LRRTM4: variants seen among roughly 807,000 people sequenced by gnomAD.
The protein encoded by LRRTM4 is leucine rich repeat transmembrane neuronal 4, also known as leucine-rich repeat transmembrane neuronal protein 4.
LRRTM4 carries 25 observed loss-of-function variants against 47.6 expected under a neutral mutation model. The ratio of observed to expected loss-of-function variants is 0.53; its 90% CI spans 0.38 to 0.73. The LOEUF (loss-of-function observed/expected upper bound fraction) is 0.73. LRRTM4 is among the 30% of genes least tolerant of loss of function. LRRTM4 has a pLI of 0.00. For synonymous variants in LRRTM4, 311 were observed against 269.5 expected (o/e 1.15, Z -1.51); for missense variants, 638 against 713.4 (o/e 0.89, Z 1.20).
At chr2:77,135,876 T>C (rs79677830) in intron 3 of LRRTM4, among the ~76,000 whole-genome samples, 3,866 of 152,238 alleles carry the variant, frequency 0.025, 161 homozygotes, top group African/African-American at 0.085. Context: ...AATAAATAAA[T>C]TTTTACATTT....
intron 3 of LRRTM4, among the ~76,000 whole-genome samples, chr2:77,087,206 C>G (rs558034080): frequency 3.9e-5 from 6 of 152,260 alleles, no homozygotes; most frequent in African/African-American, 1.4e-4. Flanking sequence ...CATACATACA[C>G]AAATACACAC....
At chr2:77,425,513 T>C (rs1444569045) in intron 3 of LRRTM4, among the ~76,000 whole-genome samples, 1 of 152,240 alleles carries the variant, frequency 6.6e-6, no homozygotes, top group Non-Finnish European at 1.5e-5. Flanking sequence ...CTGCCTTGTT[T>C]GGAATCTTAC....
intron 3 of LRRTM4, among the ~76,000 whole-genome samples, chr2:76,928,829 G>A (rs180756713): frequency 3.9e-5 from 6 of 152,138 alleles, no homozygotes; most frequent in Admixed American, 3.3e-4. Flanking sequence ...ATTAAGCAAA[G>A]CAAAGAACAC....
At chr2:76,831,908 C>G (rs1474920638) in intron 3 of LRRTM4, among the ~76,000 whole-genome samples, 2 of 151,976 alleles carry the variant, frequency 1.3e-5, no homozygotes, top group Admixed American at 6.6e-5. Context: ...CCCACATACC[C>G]TTTTGGGGTT....
At chr2:76,785,333 TAAG>T (rs1352013544) in intron 3 of LRRTM4, among the ~76,000 whole-genome samples, 3 of 152,116 alleles carry the variant, frequency 2.0e-5, no homozygotes, top group South Asian at 2.1e-4. Flanking sequence ...AAATTAATAA[TAAG>T]AAGGATTAAG....
At chr2:76,942,676 C>CAATG (rs140227592) in intron 3 of LRRTM4, among the ~76,000 whole-genome samples, 1 of 148,208 alleles carries the variant, frequency 6.7e-6, no homozygotes, top group African/African-American at 2.5e-5. Flanking sequence ...CTCTAGGAAT[C>CAATG]TGTGTGTGTG....
intron 3 of LRRTM4, among the ~76,000 whole-genome samples, chr2:77,102,706 CTG>C (rs1230873634): frequency 4.6e-5 from 7 of 152,104 alleles, no homozygotes; most frequent in Non-Finnish European, 8.8e-5. Context: ...ATAAGAAACT[CTG>C]GAGTTATTGG....
At chr2:77,258,833 A>G (rs1418909593) in intron 3 of LRRTM4, among the ~76,000 whole-genome samples, 1 of 152,052 alleles carries the variant, frequency 6.6e-6, no homozygotes, top group Non-Finnish European at 1.5e-5. Context: ...AAATTCTGAT[A>G]AAGTTCACCT....
At chr2:76,926,705 C>A (rs1674599869) in intron 3 of LRRTM4, among the ~76,000 whole-genome samples, 1 of 152,006 alleles carries the variant, frequency 6.6e-6, no homozygotes, top group South Asian at 2.1e-4. Context: ...TCTCTTTGTC[C>A]TTCTGCCATG....
intron 3 of LRRTM4, among the ~76,000 whole-genome samples, chr2:76,777,978 GA>G (rs1674130603): frequency 6.8e-6 from 1 of 147,746 alleles, no homozygotes; most frequent in African/African-American, 2.5e-5. Flanking sequence ...AAGGGTTGTT[GA>G]ATTTTGTCAA....
chr2:77,360,482 GATAC>G (rs1672153379), intron 3 of LRRTM4, among the ~76,000 whole-genome samples: 1 of 16,994 alleles, frequency 5.9e-5, no homozygotes. Flanking sequence ...GATATGATAC[GATAC>G]GATACGATAC....
intron 3 of LRRTM4, among the ~76,000 whole-genome samples, chr2:77,308,224 A>C (rs897569835): frequency 4.6e-5 from 7 of 150,978 alleles, no homozygotes; most frequent in Non-Finnish European, 8.9e-5. Context: ...TATGAAATAA[A>C]GGGATTTATC....
intron 3 of LRRTM4, among the ~76,000 whole-genome samples, chr2:77,180,821 G>A (rs1394439081): frequency 1.3e-5 from 2 of 152,054 alleles, no homozygotes; most frequent in African/African-American, 4.8e-5. Context: ...GAATCTGGAA[G>A]GTTACAGAAC....
chr2:76,808,378 A>G (rs1670625899), intron 3 of LRRTM4, among the ~76,000 whole-genome samples: 1 of 151,776 alleles, frequency 6.6e-6, no homozygotes, highest in Non-Finnish European at 1.5e-5. Flanking sequence ...TATAATGTTC[A>G]TTCATTGCTT....
intron 3 of LRRTM4, among the ~76,000 whole-genome samples, chr2:76,832,738 C>A (rs952414450): frequency 1.3e-5 from 2 of 151,806 alleles, no homozygotes; most frequent in African/African-American, 2.4e-5. Flanking sequence ...TAAAAGCCAG[C>A]GATGACATTT....
chr2:77,427,526 T>A (rs1675170951), intron 3 of LRRTM4, among the ~76,000 whole-genome samples: 1 of 152,218 alleles, frequency 6.6e-6, no homozygotes. Flanking sequence ...CAATGATTTA[T>A]AAGCACAGAG....
At chr2:77,074,291 GT>G (rs1680261285) in intron 3 of LRRTM4, among the ~76,000 whole-genome samples, 2 of 152,054 alleles carry the variant, frequency 1.3e-5, no homozygotes, top group African/African-American at 4.8e-5. Flanking sequence ...TACATCCTGT[GT>G]TCTTGGGCAT....
At chr2:77,364,143 AC>A (rs67315329) in intron 3 of LRRTM4, among the ~76,000 whole-genome samples, 1,983 of 86,312 alleles carry the variant, frequency 0.023, 44 homozygotes, top group African/African-American at 0.051. Flanking sequence ...AAAAAAAAAA[AC>A]AAGTTCTTGT....
chr2:77,137,053 C>G (rs922505869), intron 3 of LRRTM4, among the ~76,000 whole-genome samples: 6 of 151,878 alleles, frequency 4.0e-5, no homozygotes, highest in African/African-American at 1.5e-4. Context: ...AAACACTCTG[C>G]AAGATATTAT....
Sources: gnomAD v4.1 joint callset for allele counts (sites outside exome capture counted in the v4.1 genomes callset) on GRCh38, gnomAD v4.1.1 for gene constraint, MANE v1.5 for transcripts, NCBI Gene and HGNC (gene_info 2026-07-23, HGNC 2026-07-21) for gene names.